The following WDFY4 variants were observed in gnomAD, a reference collection of about 807,000 sequenced individuals.
WDFY4 encodes the protein WD repeat- and FYVE domain-containing protein 4.
A neutral mutation model predicts 351.9 loss-of-function variants in WDFY4; 169 were observed. That is an observed-to-expected ratio of 0.48 (90% confidence interval 0.42 to 0.55). The LOEUF (loss-of-function observed/expected upper bound fraction) is 0.55. Among genes scored for constraint, WDFY4 ranks in the 20% least tolerant of loss-of-function variants. WDFY4 has a pLI of 0.00. For missense variants in WDFY4, 3,803 were observed against 3,935.6 expected (o/e 0.97, Z 0.90); for synonymous variants, 1,622 against 1,574.6 (o/e 1.03, Z -0.71).
chr10:48,721,458 G>A (rs753836191), intron 4 of WDFY4, 91 bp downstream of exon 4: 19 of 1,156,702 alleles, frequency 1.6e-5, no homozygotes, highest in Admixed American at 2.1e-5. Flanking sequence ...ATCCCAAGAG[G>A]GTCATTCGTT....
At chr10:48,862,129 T>G (rs1286025474) in intron 39 of WDFY4, among the ~76,000 whole-genome samples, 16 of 152,248 alleles carry the variant, frequency 1.1e-4, no homozygotes, top group Non-Finnish European at 7.3e-5. Flanking sequence ...TTAAAATCTT[T>G]GTCAAATAGT....
chr10:48,804,562 CAAAAAAAA>C (rs58660119), intron 25 of WDFY4, among the ~76,000 whole-genome samples: 1 of 101,658 alleles, frequency 9.8e-6, no homozygotes, highest in Admixed American at 1.0e-4. Context: ...TGTGTTAATA[CAAAAAAAA>C]AAAAAAAAAA....
At chr10:48,863,843 G>T (rs2069434826) in intron 39 of WDFY4, among the ~76,000 whole-genome samples, 1 of 152,146 alleles carries the variant, frequency 6.6e-6, no homozygotes. Context: ...TACAATCATG[G>T]CAGAAGGTGG....
chr10:48,754,230 G>GTTT (rs151074838), intron 12 of WDFY4, among the ~76,000 whole-genome samples: 13 of 140,982 alleles, frequency 9.2e-5, no homozygotes, highest in Non-Finnish European at 1.7e-4. Context: ...ATATTGGTAG[G>GTTT]TTTTTTTTTT....
Position 48,778,737 on chromosome 10 carries a change from G to A in WDFY4, c.3302G>A (p.Arg1101Lys). The change falls in exon 18 of 62, where the codon AGG (arginine) becomes AAG (lysine). Residue 1101 changes from arginine to lysine, a missense_variant. Physicochemically the swap from Arg to Lys is conservative, Grantham distance 26 (BLOSUM62 2). Coordinates refer to ENST00000325239, the MANE Select transcript of WDFY4 (RefSeq NM_001394531.1). ...RFLTLVRHLA[R>K]TEQPFVCFSV... ...CTGACGTTGGTGCGCCACCTGGCCA[G>A]GACTGAGCAACCCTTTGTTTGCTTC... 1 of 1,551,656 alleles carries A rather than the reference G, an allele frequency of 6.4e-7. No homozygotes were observed. The highest frequency in any genetic ancestry group is 8.7e-7 in the Non-Finnish European group (1 of 1,147,026).
chr10:48,900,183 A>G (rs1224458906), intron 45 of WDFY4, 38 bp from the exon 46 acceptor site: 3 of 1,539,834 alleles, frequency 1.9e-6, no homozygotes, highest in South Asian at 2.4e-5. Context: ...TCTAGTCCAC[A>G]AAATATCAGG....
chr10:48,699,304 G>A (rs529303184), intron 1 of WDFY4, among the ~76,000 whole-genome samples: 1 of 152,226 alleles, frequency 6.6e-6, no homozygotes, highest in Non-Finnish European at 1.5e-5. Context: ...GGGGCTTGCA[G>A]CATGGGGACT....
intron 35 of WDFY4, among the ~76,000 whole-genome samples, chr10:48,824,596 T>C (rs1165663136): frequency 6.6e-6 from 1 of 152,184 alleles, no homozygotes; most frequent in Non-Finnish European, 1.5e-5. Context: ...AATAGAGGCT[T>C]GAAAGTAGAG....
intron 13 of WDFY4, among the ~76,000 whole-genome samples, chr10:48,767,157 A>AT (rs1399038875): frequency 6.6e-6 from 1 of 152,216 alleles, no homozygotes; most frequent in Non-Finnish European, 1.5e-5. Flanking sequence ...GCGGCCACCC[A>AT]TTAGCTATGT....
At chr10:48,883,057 ACCCTGT>A (rs1395899245) in intron 43 of WDFY4, among the ~76,000 whole-genome samples, 3 of 151,806 alleles carry the variant, frequency 2.0e-5, no homozygotes, top group African/African-American at 7.3e-5. Context: ...CCTTTCCAGC[ACCCTGT>A]CCCTCAGCAG....
intron 1 of WDFY4, among the ~76,000 whole-genome samples, chr10:48,687,129 T>C (rs887319686): frequency 1.3e-5 from 2 of 152,238 alleles, no homozygotes; most frequent in African/African-American, 4.8e-5. Context: ...GTTGGACATC[T>C]TTTTCATATG....
intron 2 of WDFY4, among the ~76,000 whole-genome samples, chr10:48,717,641 G>A (rs2063950681): frequency 6.6e-6 from 1 of 152,076 alleles, no homozygotes; most frequent in African/African-American, 2.4e-5. Flanking sequence ...AGTCTTACAG[G>A]TTTTTATAGA....
intron 49 of WDFY4, among the ~76,000 whole-genome samples, chr10:48,944,014 T>C (rs1007612638): frequency 6.6e-6 from 1 of 152,202 alleles, no homozygotes; most frequent in African/African-American, 2.4e-5. Context: ...CCAGGGGGCT[T>C]CCTGGCTTAC....
At chr10:48,918,899 G>A (rs1838793775) in intron 47 of WDFY4, among the ~76,000 whole-genome samples, 1 of 152,158 alleles carries the variant, frequency 6.6e-6, no homozygotes, top group African/African-American at 2.4e-5. Context: ...ATTGCCAAAT[G>A]TCCACTGAGG....
At chr10:48,959,577 T>G in intron 52 of WDFY4, 145 bp from the exon 53 acceptor site, 1 of 744,442 alleles carries the variant, frequency 1.3e-6, no homozygotes, top group Non-Finnish European at 2.2e-6. Flanking sequence ...GCAGAGAAGA[T>G]TGAAAGCAGC....
At chr10:48,947,043 G>A in intron 51 of WDFY4, 74 bp downstream of exon 51, 1 of 1,244,612 alleles carries the variant, frequency 8.0e-7, no homozygotes, top group Non-Finnish European at 1.1e-6. Context: ...ACAAGACTAA[G>A]ACCTGTGCTT....
At chr10:48,924,435 A>G (rs1341537146) in intron 47 of WDFY4, among the ~76,000 whole-genome samples, 1 of 152,270 alleles carries the variant, frequency 6.6e-6, no homozygotes, top group Non-Finnish European at 1.5e-5. Flanking sequence ...ATCAACCCAC[A>G]CAAGGGAAGC....
At chr10:48,976,624 G>A in intron 58 of WDFY4, 173 bp from the exon 59 acceptor site, 1 of 459,242 alleles carries the variant, frequency 2.2e-6, no homozygotes, top group Non-Finnish European at 3.6e-6. Flanking sequence ...TTACAACTGT[G>A]TGAAAACACA....
In WDFY4 at chr10:48,923,506, A is replaced by ATATATATGTATG. The variant is rs1554812695; in HGVS notation, c.7587-18291_7587-18290insATGTATATATGT. On this transcript the variant is annotated intron_variant, in intron 47 of 61. Transcript: ENST00000325239. ...AACAAATAGTTTTTAGTATATATAT[A>ATATATATGTATG]TATATATGTCCCAAATACCGCATAG... is the stretch of plus-strand genomic sequence containing the variant. 2.9e-3 allele frequency among the ~76,000 whole-genome samples: 332 copies of ATATATATGTATG among 115,166 alleles called. 17 individuals are homozygous for ATATATATGTATG. Among genetic ancestry groups the ATATATATGTATG allele is most frequent in the African/African-American group, 8.1e-3 (296 of 36,604 alleles). The allele number at this position is 115,166 out of a possible 152,430, so 75.6% of individuals were successfully genotyped here. A position where few individuals can be genotyped will look rare whatever the true frequency, so the allele number is the denominator to read the frequency against.
Sources: gnomAD v4.1 joint callset for allele counts (sites outside exome capture counted in the v4.1 genomes callset) on GRCh38, gnomAD v4.1.1 for gene constraint, MANE v1.5 for transcripts, NCBI Gene and HGNC (gene_info 2026-07-23, HGNC 2026-07-21) for gene names.